DPYD: variants seen among roughly 807,000 people sequenced by gnomAD.
The protein encoded by DPYD is dihydropyrimidine dehydrogenase [NADP(+)].
DPYD carries 109 observed loss-of-function variants against 116.2 expected under a neutral mutation model. The ratio of observed to expected loss-of-function variants is 0.94; its 90% confidence interval spans 0.80 to 1.10. The LOEUF is 1.10. DPYD is among the 50% of genes least tolerant of loss of function. The pLI, the probability that DPYD is intolerant of heterozygous loss-of-function variation, is 0.00. For synonymous variants in DPYD, 440 were observed against 432.0 expected, an observed-to-expected ratio of 1.02 and a Z score of -0.23; for missense variants, 1,302 against 1,254.5, an observed-to-expected ratio of 1.04 and a Z score of -0.57.
chr1:97,519,671 C>G (rs1284340724), intron 12 of DPYD, among the ~76,000 whole-genome samples: 4 of 152,044 alleles, frequency 2.6e-5, no homozygotes, highest in Non-Finnish European at 5.9e-5. Flanking sequence ...AAAACAAAAG[C>G]CAAAGGAGGC....
chr1:97,139,163 A>G lies in DPYD; in HGVS notation c.2623-40531T>C, dbSNP rs142907665. On this transcript the variant is annotated intron_variant, in intron 20 of 22. Transcript: ENST00000370192. ...ATAGCTCCAAATTAAGAATTCTACA[A>G]TTCTGTTGATCCTATTCTGATCGAT... 5.6e-4 allele frequency among the ~76,000 whole-genome samples: 85 copies of G among 152,244 alleles called. 2 individuals carry two copies. In the East Asian group the frequency reaches 0.015, roughly 27 times the overall value.
At chr1:97,625,289 T>C (rs190386913) in intron 8 of DPYD, among the ~76,000 whole-genome samples, 1 of 152,096 alleles carries the variant, frequency 6.6e-6, no homozygotes, top group African/African-American at 2.4e-5. Flanking sequence ...TATTGAGAAA[T>C]AATTCTAATT....
At chr1:97,304,747 C>T (rs573688199) in intron 18 of DPYD, among the ~76,000 whole-genome samples, 1 of 151,960 alleles carries the variant, frequency 6.6e-6, no homozygotes, top group Non-Finnish European at 1.5e-5. Flanking sequence ...CAAATTCAAG[C>T]GTATGCTGAT....
chr1:97,550,177 C>T (rs1339499331), intron 11 of DPYD, among the ~76,000 whole-genome samples: 1 of 152,114 alleles, frequency 6.6e-6, no homozygotes, highest in African/African-American at 2.4e-5. Context: ...GAATTCAGGT[C>T]AATGGCTAAT....
chr1:97,873,388 A>T (rs1207951362), intron 2 of DPYD, among the ~76,000 whole-genome samples: 1 of 151,944 alleles, frequency 6.6e-6, no homozygotes, highest in East Asian at 1.9e-4. Context: ...ACTTATTTCC[A>T]GCAATTGAAT....
At chr1:97,647,142 T>C (rs1025431762) in intron 8 of DPYD, among the ~76,000 whole-genome samples, 2 of 152,088 alleles carry the variant, frequency 1.3e-5, no homozygotes, top group Admixed American at 6.6e-5. Context: ...TTTTCTGATT[T>C]CCTAAAAAAA....
chr1:97,587,992 GGTGGAAAAAAAT>G (rs1654257154), intron 10 of DPYD, among the ~76,000 whole-genome samples: 1 of 151,980 alleles, frequency 6.6e-6, no homozygotes, highest in Non-Finnish European at 1.5e-5. Flanking sequence ...GCTGTGTGGT[GGTGGAAAAAAAT>G]CAGGTAAAAG....
At chr1:97,469,397 CAAAAAAAAAAAAAAAAAA>C (rs59090402) in intron 13 of DPYD, among the ~76,000 whole-genome samples, 3 of 80,800 alleles carry the variant, frequency 3.7e-5, no homozygotes, top group Non-Finnish European at 6.4e-5. Context: ...GCTAAAATTG[CAAAAAAAAAAAAAAAAAA>C]AAAAAAAAAA....
intron 17 of DPYD, 117 bp downstream of exon 17, chr1:97,306,060 T>C: frequency 5.8e-6 from 9 of 1,556,352 alleles, no homozygotes; most frequent in Admixed American, 1.7e-5. Flanking sequence ...CTGGAAACTT[T>C]TAAAATTGAG....
intron 8 of DPYD, among the ~76,000 whole-genome samples, chr1:97,661,430 G>A (rs1207855941): frequency 1.3e-5 from 2 of 152,064 alleles, no homozygotes; most frequent in Non-Finnish European, 2.9e-5. Flanking sequence ...AATGCATAAT[G>A]CATATTTTCC....
intron 20 of DPYD, among the ~76,000 whole-genome samples, chr1:97,172,315 A>G (rs1275562185): frequency 6.6e-6 from 1 of 152,214 alleles, no homozygotes; most frequent in Non-Finnish European, 1.5e-5. Flanking sequence ...GTAATAAAAT[A>G]CTTAAAACTC....
intron 19 of DPYD, among the ~76,000 whole-genome samples, chr1:97,229,276 A>C (rs1177432049): frequency 2.0e-5 from 3 of 150,194 alleles, no homozygotes; most frequent in Admixed American, 1.3e-4. Flanking sequence ...AATAAAAAGA[A>C]ATACTGACTA....
intron 11 of DPYD, among the ~76,000 whole-genome samples, chr1:97,567,183 C>G (rs1292239681): frequency 6.6e-6 from 1 of 152,108 alleles, no homozygotes; most frequent in East Asian, 1.9e-4. Flanking sequence ...TGGCCTGCAC[C>G]TTTTCTCAGT....
intron 14 of DPYD, among the ~76,000 whole-genome samples, chr1:97,432,196 G>A (rs1042606882): frequency 2.6e-5 from 4 of 152,072 alleles, no homozygotes; most frequent in Non-Finnish European, 5.9e-5. Flanking sequence ...CTTTGATATA[G>A]TGATTTCTTT....
In DPYD at chr1:97,464,218, A is replaced by C. The variant is rs549301907; in HGVS notation, c.1741-13995T>G. ...TGCACCACTGCACTCCAGCCTGGGC[A>C]ACAGAGCAAGACTCTGTCTCAAAAT... On this transcript the variant is annotated intron_variant, in intron 13 of 22. Transcript: ENST00000370192. Among the ~76,000 whole-genome samples the C allele has an allele frequency of 3.0e-3, 431 of 145,458 alleles. 6 individuals carry two copies. The highest frequency in any genetic ancestry group is 0.01 in the African/African-American group (402 of 39,696).
chr1:97,724,956 A>AGAGAGG (rs1663155193), intron 4 of DPYD, among the ~76,000 whole-genome samples: 1 of 119,384 alleles, frequency 8.4e-6, no homozygotes, highest in Admixed American at 8.0e-5. Context: ...GGAAGGAAAG[A>AGAGAGG]GAGAGAGAGA....
intron 13 of DPYD, among the ~76,000 whole-genome samples, chr1:97,471,178 TATA>T: frequency 6.6e-6 from 1 of 152,290 alleles, no homozygotes; most frequent in South Asian, 2.1e-4. Flanking sequence ...TGCCATTATG[TATA>T]ATGAGATCAA....
At chr1:97,306,382 C>T (rs576560445) in intron 16 of DPYD, 85 bp from the exon 17 acceptor site, 166 of 1,571,280 alleles carry the variant, frequency 1.1e-4, no homozygotes, top group Non-Finnish European at 1.4e-4. Context: ...AAGCTGGAGA[C>T]GTGCAAGACA....
intron 16 of DPYD, among the ~76,000 whole-genome samples, chr1:97,313,800 A>G (rs1436759635): frequency 6.6e-6 from 1 of 151,870 alleles, no homozygotes; most frequent in Non-Finnish European, 1.5e-5. Context: ...TGCATTTATC[A>G]CAGTGTTTTA....
Sources: gnomAD v4.1 joint callset for allele counts (sites outside exome capture counted in the v4.1 genomes callset) on GRCh38, gnomAD v4.1.1 for gene constraint, MANE v1.5 for transcripts, NCBI Gene and HGNC (gene_info 2026-07-23, HGNC 2026-07-21) for gene names.